The following TCEA3 variants were observed in gnomAD, a reference collection of about 807,000 sequenced individuals.
TCEA3 encodes the protein transcription elongation factor A protein 3.
A neutral mutation model predicts 44.0 loss-of-function variants in TCEA3; 36 were observed. The observed-to-expected ratio is 0.82, with a 90% confidence interval of 0.63 to 1.08. TCEA3 has a LOEUF of 1.08. TCEA3 is among the 50% of genes least tolerant of loss of function. The pLI is 0.00. For missense variants in TCEA3, 392 were observed against 441.2 expected, an observed-to-expected ratio of 0.89 and a Z score of 1.00; for synonymous variants, 162 against 159.7, an observed-to-expected ratio of 1.01 and a Z score of -0.11.
chr1:23,419,697 G>A (rs1273774438), intron 1 of TCEA3, among the ~76,000 whole-genome samples: 1 of 152,074 alleles, frequency 6.6e-6, no homozygotes, highest in Non-Finnish European at 1.5e-5. Context: ...TTAGCCAGGC[G>A]TGGTGGCGCA....
At chr1:23,403,859 C>T (rs963426152) in intron 5 of TCEA3, 1 of 513,210 alleles carries the variant, frequency 1.9e-6, no homozygotes, top group Non-Finnish European at 3.5e-6. Flanking sequence ...CCCGCCTCCC[C>T]GGTTAGGAGC....
chr1:23,397,496 GC>G, intron 7 of TCEA3, 48 bp downstream of exon 7: 1 of 1,571,276 alleles, frequency 6.4e-7, no homozygotes, highest in Non-Finnish European at 8.7e-7. Flanking sequence ...TTGGATGGGT[GC>G]TGCTAGACGG....
At chr1:23,417,088 C>G (rs2156087) in intron 4 of TCEA3, among the ~76,000 whole-genome samples, 161 bp downstream of exon 4, 95,570 of 152,162 alleles carry the variant, frequency 0.63, 35,287 homozygotes, top group Non-Finnish European at 0.81. Flanking sequence ...AGTCTAACAT[C>G]TGGTTGAGCC....
intron 8 of TCEA3, 77 bp downstream of exon 8, chr1:23,393,802 A>G: frequency 6.5e-7 from 1 of 1,530,408 alleles, no homozygotes; most frequent in African/African-American, 1.4e-5. Context: ...ATGAGTCACG[A>G]GCCACTGACC....
chr1:23,408,496 G>A, intron 5 of TCEA3, 168 bp downstream of exon 5: 1 of 624,878 alleles, frequency 1.6e-6, no homozygotes, highest in Non-Finnish European at 2.8e-6. Flanking sequence ...GGTCCCCCAG[G>A]GCTGAAATGT....
At chr1:23,407,277 C>T (rs763453767) in intron 5 of TCEA3, among the ~76,000 whole-genome samples, 9 of 152,172 alleles carry the variant, frequency 5.9e-5, no homozygotes, top group Non-Finnish European at 1.0e-4. Flanking sequence ...ACCATTACCT[C>T]CCTGATCCAA....
chr1:23,394,024 T>C lies in TCEA3; in HGVS notation c.674A>G (p.Gln225Arg), dbSNP rs766716038. The change falls in exon 8 of 11, where the codon CAA becomes CGA. Residue 225 changes from glutamine (Q) to arginine (R), a missense_variant. By Grantham distance (43) the Gln-to-Arg change is conservative. Transcript: ENST00000450454. ...CTTCATGTCCGTGCTCTTGAGCTCT[T>C]GGTAGATATGTGACACAGTCAAGGG... ...MASEIEDHIYQELKSTDMKYR... is the reference protein window; with the variant it reads ...MASEIEDHIYRELKSTDMKYR... 14 of 1,613,978 alleles carry C rather than the reference T, an allele frequency of 8.7e-6. No homozygotes were observed. The highest frequency in any genetic ancestry group is 1.2e-5 in the Non-Finnish European group (14 of 1,179,866).
intron 1 of TCEA3, among the ~76,000 whole-genome samples, chr1:23,423,254 C>T (rs1485822548): frequency 2.0e-5 from 3 of 152,176 alleles, no homozygotes; most frequent in Non-Finnish European, 4.4e-5. Context: ...AGGTCTTGTT[C>T]GCCAGTTCTT....
chr1:23,405,950 G>A (rs555327973), intron 5 of TCEA3, among the ~76,000 whole-genome samples: 12 of 152,200 alleles, frequency 7.9e-5, no homozygotes, highest in African/African-American at 2.4e-4. Context: ...TTCCTGCCAC[G>A]AAATGTCAGG....
At chr1:23,416,671 T>C (rs1171132878) in intron 4 of TCEA3, among the ~76,000 whole-genome samples, 3 of 152,028 alleles carry the variant, frequency 2.0e-5, no homozygotes, top group African/African-American at 7.3e-5. Flanking sequence ...TTTGTATTTT[T>C]TGTAGAGGCG....
chr1:23,387,399 C>T lies in TCEA3; in HGVS notation c.840G>A (p.Leu280=), dbSNP rs757593375. ...MTAEEMASDE[L]RELRNAMTQE... ...GGGTCATGGCATTCCTCAACTCCCT[C>T]AGTTCATCACTGGCCATTTCCTGGA... The change falls in exon 9 of 11, where the codon CTG becomes CTA. Residue 280 remains leucine (L), a synonymous_variant. Coordinates refer to ENST00000450454, the MANE Select transcript of TCEA3 (RefSeq NM_003196.3). 3.7e-6 allele frequency: 6 copies of T among 1,607,292 alleles called. No individual in the cohort carries two copies. In the East Asian group the frequency reaches 1.3e-4, roughly 36 times the overall value.
intron 1 of TCEA3, among the ~76,000 whole-genome samples, chr1:23,422,339 T>C (rs932423020): frequency 6.6e-6 from 1 of 152,196 alleles, no homozygotes; most frequent in African/African-American, 2.4e-5. Context: ...TTAACTACTG[T>C]GTTGTGGCCA....
At chr1:23,416,384 A>G (rs570933176) in intron 4 of TCEA3, among the ~76,000 whole-genome samples, 1 of 152,288 alleles carries the variant, frequency 6.6e-6, no homozygotes, top group South Asian at 2.1e-4. Flanking sequence ...TTTTTGTTTC[A>G]AAAGCAGTAC....
chr1:23,391,738 C>T (rs1401329824), intron 8 of TCEA3, among the ~76,000 whole-genome samples: 2 of 151,930 alleles, frequency 1.3e-5, no homozygotes, highest in African/African-American at 4.8e-5. Flanking sequence ...GCCTGGCCAA[C>T]ATGGTGAAAT....
At chr1:23,407,295 T>C (rs893856124) in intron 5 of TCEA3, among the ~76,000 whole-genome samples, 2 of 152,182 alleles carry the variant, frequency 1.3e-5, no homozygotes, top group African/African-American at 4.8e-5. Context: ...CAAGCCACCA[T>C]GATATCTTGC....
intron 4 of TCEA3, among the ~76,000 whole-genome samples, chr1:23,413,983 G>GAT (rs1311853612): frequency 3.7e-4 from 22 of 60,180 alleles, no homozygotes; most frequent in African/African-American, 1.1e-3. Context: ...AGTCTAGCAG[G>GAT]ATGTATATAT....
intron 8 of TCEA3, among the ~76,000 whole-genome samples, chr1:23,391,271 C>T (rs1639020289): frequency 6.6e-6 from 1 of 151,152 alleles, no homozygotes; most frequent in South Asian, 2.1e-4. Context: ...TGCCACCACG[C>T]CCGGCTAATT....
At chr1:23,423,883 CCGCCCT>C (rs768314696) in intron 1 of TCEA3, 1 of 455,976 alleles carries the variant, frequency 2.2e-6, no homozygotes, top group Non-Finnish European at 4.4e-6. Context: ...GCTCCTCCCT[CCGCCCT>C]CGCCCTCGCT....
intron 4 of TCEA3, 84 bp downstream of exon 4, chr1:23,417,165 T>C: frequency 6.6e-7 from 1 of 1,508,474 alleles, no homozygotes; most frequent in Non-Finnish European, 9.0e-7. Context: ...GGATGAAAGG[T>C]TTAAATGAGA....
Sources: allele counts gnomAD v4.1 joint callset (sites outside exome capture counted in the v4.1 genomes callset), GRCh38; gene constraint gnomAD v4.1.1; transcripts MANE v1.5; gene names NCBI Gene and HGNC (gene_info 2026-07-23, HGNC 2026-07-21).